AFM: variants seen among roughly 807,000 people sequenced by gnomAD.
The protein encoded by AFM is alpha-Alb.
A neutral mutation model predicts 68.7 loss-of-function variants in AFM; 82 were observed. The observed-to-expected ratio is 1.19, with a 90% CI of 1.00 to 1.43. The LOEUF is 1.43. Among genes scored for constraint, AFM ranks in the 40% most tolerant of loss-of-function variants. The probability of loss-of-function intolerance (pLI) is 0.00; values close to 1 mark genes in which losing one functional copy is unlikely to be tolerated. For synonymous variants in AFM, 250 were observed against 234.2 expected, an observed-to-expected ratio of 1.07 and a Z score of -0.61; for missense variants, 772 against 701.8, an observed-to-expected ratio of 1.10 and a Z score of -1.13.
At chr4:73,495,572 G>A in intron 9 of AFM, 140 bp downstream of exon 9, 3 of 1,084,356 alleles carry the variant, frequency 2.8e-6, no homozygotes, top group East Asian at 2.7e-5. Context: ...TTCAGCCTAA[G>A]AAGATTATTG....
At chr4:73,483,582 A>G (rs142555148) in intron 1 of AFM, among the ~76,000 whole-genome samples, 1 of 152,362 alleles carries the variant, frequency 6.6e-6, no homozygotes, top group East Asian at 1.9e-4. Flanking sequence ...GCATTGAATC[A>G]GCCATTAGTT....
At position 73,497,762 on chromosome 4, in the gene AFM, C is replaced by T; in HGVS notation, c.1289+13C>T. On this transcript the variant is annotated intron_variant, in intron 10 of 14. Transcript: ENST00000226355. ...GTTTGAAATACCAGTATGTTGTTTG[C>T]ACAAGTGGGCTAACACTTGCCACTA... The T allele has an allele frequency of 3.3e-6, 5 of 1,512,510 alleles. No homozygotes were observed. Among genetic ancestry groups the T allele is most frequent in the Non-Finnish European group, 4.6e-6 (5 of 1,096,770 alleles). 93.7% of individuals were successfully genotyped at this position (1,512,510 alleles called of 1,614,324 possible). A position where few individuals can be genotyped will look rare whatever the true frequency, so the allele number is the denominator to read the frequency against.
At chr4:73,487,501 CT>C (rs1447989311) in intron 5 of AFM, among the ~76,000 whole-genome samples, 5 of 152,116 alleles carry the variant, frequency 3.3e-5, no homozygotes, top group African/African-American at 9.7e-5. Context: ...ACTTATGCAC[CT>C]TTTTACCAAG....
intron 2 of AFM, 115 bp from the exon 3 acceptor site, chr4:73,484,143 A>G: frequency 7.0e-7 from 1 of 1,436,200 alleles, no homozygotes; most frequent in Non-Finnish European, 9.3e-7. Flanking sequence ...TAAAATTTAT[A>G]GCCATTACAA....
Position 73,495,410 on chromosome 4 carries a change from C to T in AFM, c.1169C>T (p.Pro390Leu). The change falls in exon 9 of 15, where the codon CCT becomes CTT. Residue 390 changes from proline (P) to leucine (L), a missense_variant. Coordinates refer to ENST00000226355, the MANE Select transcript of AFM (RefSeq NM_001133.2). ...AGAAATTGCTGCAACACAGAAAACCCTCCAGGTTGTTACCGTTACGCGGTA... is the reference window on the plus strand; with the variant it reads ...AGAAATTGCTGCAACACAGAAAACCTTCCAGGTTGTTACCGTTACGCGGTA... ...LLRNCCNTENPPGCYRYAEDK... is the reference protein window; with the variant it reads ...LLRNCCNTENLPGCYRYAEDK... The T allele has an allele frequency of 6.2e-7, 1 of 1,611,762 alleles. No individual in the cohort carries two copies. The highest frequency in any genetic ancestry group is 8.5e-7 in the Non-Finnish European group (1 of 1,179,362).
In AFM at chr4:73,485,910, A is replaced by C. The variant is rs1040353820; in HGVS notation, c.319A>C (p.Lys107Gln). 6.2e-7 allele frequency: 1 copy of C among 1,613,980 alleles called. No homozygotes were observed. Among genetic ancestry groups the C allele is most frequent in the Admixed American group, 1.7e-5 (1 of 59,984 alleles). The stretch of plus-strand genomic sequence containing the variant: ...ATGTGCTATGGAGGGGCTGCCACAA[A>C]AGCATAATTTCTCACACTGCTGCAG... Reference protein sequence around the residue: ...KICAMEGLPQKHNFSHCCSKV... With the variant: ...KICAMEGLPQQHNFSHCCSKV... The change falls in exon 4 of 15, where the codon AAG (lysine) becomes CAG (glutamine). Residue 107 changes from lysine (K) to glutamine (Q), a missense_variant. Lys to Gln is a moderately conservative substitution (Grantham distance 53). Transcript: ENST00000226355.
intron 8 of AFM, among the ~76,000 whole-genome samples, chr4:73,494,143 G>A (rs553269968): frequency 6.6e-6 from 1 of 152,048 alleles, no homozygotes; most frequent in South Asian, 2.1e-4. Flanking sequence ...ATTAAGAGGA[G>A]CCCTGATTCT....
chr4:73,486,184 T>C, intron 4 of AFM, 111 bp downstream of exon 4: 1 of 909,456 alleles, frequency 1.1e-6, no homozygotes, highest in Non-Finnish European at 1.7e-6. Context: ...TGATTAATTG[T>C]TTCATTCATT....
chr4:73,487,265 C>A (rs1340120795), intron 5 of AFM, among the ~76,000 whole-genome samples, 166 bp downstream of exon 5: 1 of 152,196 alleles, frequency 6.6e-6, no homozygotes, highest in Non-Finnish European at 1.5e-5. Flanking sequence ...TCTAAATATT[C>A]TCTTTACTTG....
chr4:73,485,743 A>C, intron 3 of AFM, 119 bp from the exon 4 acceptor site: 1 of 737,898 alleles, frequency 1.4e-6, no homozygotes, highest in East Asian at 2.7e-5. Flanking sequence ...GAGGAGTAGG[A>C]GAAAGAGAAG....
Position 73,485,931 on chromosome 4 carries a change from T to G in AFM, c.340T>G (p.Cys114Gly). 1 of 1,614,164 alleles carries G rather than the reference T, an allele frequency of 6.2e-7. No homozygotes were observed. The highest frequency in any genetic ancestry group is 8.5e-7 in the Non-Finnish European group (1 of 1,180,000). Residue 114 changes from cysteine to glycine, a missense_variant, in exon 4 of 15, where the codon TGC (cysteine) becomes GGC (glycine). Physicochemically the swap from Cys to Gly is radical, Grantham distance 159 (BLOSUM62 -3). Transcript: ENST00000226355. ...LPQKHNFSHC[C>G]SKVDAQRRLC... ...ACAAAAGCATAATTTCTCACACTGC[T>G]GCAGTAAGGTTGATGCTCAAAGAAG... is the stretch of plus-strand genomic sequence containing the variant.
intron 8 of AFM, among the ~76,000 whole-genome samples, chr4:73,494,655 T>A (rs1270246917): frequency 6.6e-6 from 1 of 152,240 alleles, no homozygotes; most frequent in Non-Finnish European, 1.5e-5. Context: ...CACATCTATA[T>A]CTGTTATGCC....
chr4:73,503,550 T>C (rs1217815642), intron 14 of AFM, among the ~76,000 whole-genome samples: 1 of 152,160 alleles, frequency 6.6e-6, no homozygotes, highest in Non-Finnish European at 1.5e-5. Flanking sequence ...ATGATTCACA[T>C]ACAAACCAAG....
chr4:73,494,633 A>C (rs1049902605), intron 8 of AFM, among the ~76,000 whole-genome samples: 6 of 152,200 alleles, frequency 3.9e-5, no homozygotes, highest in African/African-American at 1.2e-4. Flanking sequence ...AGTGTTTATA[A>C]AGTCCAGGAA....
rs79279333 is a variant in AFM, at chr4:73,488,803, A to G, written c.843+44A>G. On this transcript the variant is annotated intron_variant, in intron 7 of 14. Coordinates refer to ENST00000226355, the MANE Select transcript of AFM (RefSeq NM_001133.2). The stretch of plus-strand genomic sequence containing the variant: ...CAAGTTAAAATAGTGATTTTTGGCA[A>G]TTATCATTTTTTTATTCTCAAGTTG... 13,095 of 1,570,898 alleles carry G rather than the reference A, an allele frequency of 8.3e-3. 517 individuals carry two copies. The East Asian group carries it at 0.12, about 14-fold the overall frequency.
Position 73,490,863 on chromosome 4 carries a change from A to C in AFM, c.844-1009A>C, listed in dbSNP as rs372070604. 4.6e-5 allele frequency among the ~76,000 whole-genome samples: 7 copies of C among 152,246 alleles called. No homozygotes were observed. In the East Asian group the frequency reaches 1.2e-3, roughly 25 times the overall value. On this transcript the variant is annotated intron_variant, in intron 7 of 14. Transcript: ENST00000226355. ...CAATGCTGGCATTACATGAGATGTA[A>C]ATGTCTTTTTGAAGATTGGCTTCCT...
chr4:73,491,242 G>A (rs899101179), intron 7 of AFM, among the ~76,000 whole-genome samples: 1 of 152,186 alleles, frequency 6.6e-6, no homozygotes, highest in African/African-American at 2.4e-5. Flanking sequence ...TGGTAGGGAT[G>A]GGGACAGAAT....
chr4:73,488,109 C>A (rs1720962102), intron 6 of AFM, among the ~76,000 whole-genome samples: 1 of 152,130 alleles, frequency 6.6e-6, no homozygotes, highest in African/African-American at 2.4e-5. Context: ...ATAAAACCCA[C>A]AAGTGCTTTA....
Position 73,495,315 on chromosome 4 carries a change from C to T in AFM, c.1074C>T (p.Tyr358=). 2 of 1,592,302 alleles carry T rather than the reference C, an allele frequency of 1.3e-6. No individual in the cohort carries two copies. Among genetic ancestry groups the T allele is most frequent in the Non-Finnish European group, 1.7e-6 (2 of 1,174,452 alleles). ...CACATTGCAGGTTTACTTTTGAATA[C>T]TCAAGGAGACATCCAGACCTGTCTA... ...DTFFAKFTFE[Y]SRRHPDLSIP... Residue 358 remains tyrosine, a synonymous_variant, in exon 9 of 15, where the codon TAC becomes TAT. Coordinates refer to ENST00000226355, the MANE Select transcript of AFM (RefSeq NM_001133.2).
Sources: allele counts gnomAD v4.1 joint callset (sites outside exome capture counted in the v4.1 genomes callset), GRCh38; gene constraint gnomAD v4.1.1; transcripts MANE v1.5; gene names NCBI Gene and HGNC (gene_info 2026-07-23, HGNC 2026-07-21).